The following PUDP variants were observed in gnomAD, a reference collection of about 807,000 sequenced individuals.
PUDP encodes pseudouridine 5'-phosphatase.
PUDP carries 8 observed loss-of-function variants against 9.4 expected under a neutral mutation model. The observed-to-expected ratio is 0.85, with a 90% CI of 0.50 to 1.53. The LOEUF is 1.53. PUDP is among the 40% of genes most tolerant of loss of function. PUDP has a pLI of 0.00. For missense variants in PUDP, 188 were observed against 189.7 expected (o/e 0.99, Z 0.05); for synonymous variants, 99 against 80.7 (o/e 1.23, Z -1.22).
intron 3 of PUDP, among the ~76,000 whole-genome samples, chrX:6,773,402 C>G (rs756745420): frequency 2.7e-5 from 3 of 111,955 alleles, no homozygotes; most frequent in African/African-American, 9.7e-5. Flanking sequence ...TAATTTCTAA[C>G]ATTTAGTTGA....
At chrX:6,810,864 C>T (rs775320933) in intron 3 of PUDP, among the ~76,000 whole-genome samples, 2 of 111,835 alleles carry the variant, frequency 1.8e-5, no homozygotes, top group Non-Finnish European at 3.8e-5. Flanking sequence ...CTGCCCACTA[C>T]AGCCCCAGGT....
chrX:6,858,307 CTTTTTTTTTTCTTTCTT>C (rs1483275396), intron 3 of PUDP, among the ~76,000 whole-genome samples: 12 of 98,382 alleles, frequency 1.2e-4, no homozygotes, highest in Middle Eastern at 5.2e-3. Flanking sequence ...TATGTGCATC[CTTTTTTTTTTCTTTCTT>C]TTTTTTTTTT....
intron 3 of PUDP, among the ~76,000 whole-genome samples, chrX:7,052,624 T>C (rs1421036220): frequency 8.9e-6 from 1 of 112,128 alleles, no homozygotes; most frequent in African/African-American, 3.2e-5. Context: ...TAAAATATCA[T>C]ATTAGCCAAC....
intron 3 of PUDP, among the ~76,000 whole-genome samples, chrX:7,069,906 A>T (rs1489273376): frequency 1.8e-5 from 2 of 112,145 alleles, no homozygotes; most frequent in African/African-American, 6.5e-5. Flanking sequence ...AGTTTTCCTA[A>T]AAGTTTATTC....
At chrX:6,740,256 A>G (rs938809230) in intron 3 of PUDP, among the ~76,000 whole-genome samples, 8 of 111,414 alleles carry the variant, frequency 7.2e-5, no homozygotes, top group African/African-American at 2.6e-4. Flanking sequence ...CTGGTATTTT[A>G]TTTGGTATTT....
intron 3 of PUDP, among the ~76,000 whole-genome samples, chrX:6,877,354 G>T (rs1569115469): frequency 9.0e-6 from 1 of 111,642 alleles, no homozygotes; most frequent in Non-Finnish European, 1.9e-5. Context: ...AGAATATGGA[G>T]CAGTTTTTAA....
intron 3 of PUDP, among the ~76,000 whole-genome samples, chrX:6,839,181 C>T (rs779260116): frequency 9.0e-6 from 1 of 111,602 alleles, no homozygotes; most frequent in South Asian, 3.7e-4. Context: ...TTTTTCATTG[C>T]CTTCTTTTGA....
chrX:6,777,463 A>AT (rs1376359678), intron 3 of PUDP, among the ~76,000 whole-genome samples: 1 of 112,110 alleles, frequency 8.9e-6, no homozygotes, highest in Admixed American at 9.5e-5. Flanking sequence ...CCTAAGCTGT[A>AT]TTATTTGCTC....
intron 1 of PUDP, among the ~76,000 whole-genome samples, chrX:7,010,303 T>A (rs1929459433): frequency 9.0e-6 from 1 of 111,366 alleles, no homozygotes. Flanking sequence ...TGCATCTTCA[T>A]CCATTCTTCA....
At chrX:6,735,219 C>CAGTTAA (rs1343052684) in intron 3 of PUDP, among the ~76,000 whole-genome samples, 1 of 111,420 alleles carries the variant, frequency 9.0e-6, no homozygotes, top group Non-Finnish European at 1.9e-5. Context: ...TCTTTTTAAC[C>CAGTTAA]AAGTTAAGAT....
downstream of PUDP, among the ~76,000 whole-genome samples, chrX:7,046,734 G>C (rs1929987543): frequency 8.9e-6 from 1 of 112,056 alleles, no homozygotes; most frequent in Admixed American, 9.5e-5. Context: ...CTTTCACACG[G>C]TTTTGAAATA....
At chrX:6,714,991 A>G (rs868635350) in intron 1 of PUDP, among the ~76,000 whole-genome samples, 2 of 94,679 alleles carry the variant, frequency 2.1e-5, no homozygotes, top group African/African-American at 1.1e-4. Flanking sequence ...GTATATATAT[A>G]TATGTGTGTG....
intron 1 of PUDP, among the ~76,000 whole-genome samples, chrX:7,147,684 A>T (rs1446124394): frequency 8.9e-6 from 1 of 112,027 alleles, no homozygotes; most frequent in African/African-American, 3.2e-5. Context: ...GTAACCGAAA[A>T]GAGAGCGCGG....
In PUDP at chrX:6,780,827, C is replaced by G. The variant is rs769188027; in HGVS notation, c.*248-74361G>C. ...ATCCCAGCACTTTGGGAGGCTGAGG[C>G]AAGCAGATCACTTGAGGCCAGGAGT... is the stretch of plus-strand genomic sequence containing the variant. On this transcript the variant is annotated intron_variant and NMD_transcript_variant, in intron 3 of 3. Transcript: ENST00000655425. 5.4e-5 allele frequency among the ~76,000 whole-genome samples: 6 copies of G among 110,801 alleles called. 1 individual carries two copies. The South Asian group carries it at 2.4e-3, about 44-fold the overall frequency.
At chrX:6,803,865 A>G (rs189913463) in intron 3 of PUDP, among the ~76,000 whole-genome samples, 1 of 111,767 alleles carries the variant, frequency 8.9e-6, no homozygotes, top group East Asian at 2.8e-4. Flanking sequence ...GGATAGCTCC[A>G]AGGTAAAGAA....
At chrX:6,866,023 C>T (rs1382929803) in intron 3 of PUDP, among the ~76,000 whole-genome samples, 2 of 111,534 alleles carry the variant, frequency 1.8e-5, no homozygotes, top group Non-Finnish European at 3.8e-5. Flanking sequence ...CAGTCTCAAG[C>T]AATCCTCCCA....
intron 3 of PUDP, among the ~76,000 whole-genome samples, chrX:6,755,226 C>T (rs1925156205): frequency 9.0e-6 from 1 of 111,679 alleles, no homozygotes; most frequent in South Asian, 3.8e-4. Context: ...TATTCATCAG[C>T]TGACAAAAAT....
chrX:6,736,450 G>A (rs999877616), intron 3 of PUDP, among the ~76,000 whole-genome samples: 4 of 111,650 alleles, frequency 3.6e-5, no homozygotes, highest in African/African-American at 9.8e-5. Flanking sequence ...TATCCAGGTG[G>A]GCCCTAATAT....
chrX:6,864,374 A>G (rs1359009605), intron 3 of PUDP, among the ~76,000 whole-genome samples: 1 of 112,110 alleles, frequency 8.9e-6, no homozygotes, highest in Non-Finnish European at 1.9e-5. Flanking sequence ...AAGGTACTTC[A>G]ATTGTTGGGA....
Sources: allele counts gnomAD v4.1 joint callset (sites outside exome capture counted in the v4.1 genomes callset), GRCh38; gene constraint gnomAD v4.1.1; transcripts MANE v1.5; gene names NCBI Gene and HGNC (gene_info 2026-07-23, HGNC 2026-07-21).